MSRA: variants seen among roughly 807,000 people sequenced by gnomAD.
MSRA encodes methionine sulfoxide reductase A.
Under a neutral mutation model 31.3 loss-of-function variants are expected in MSRA, and 54 were observed. That is an observed-to-expected ratio of 1.73 (90% CI 1.39 to 2.17). The LOEUF (loss-of-function observed/expected upper bound fraction) is 2.17. Ranked by LOEUF, MSRA falls within the 30% of genes most tolerant of loss-of-function variation. The pLI is 0.00. For synonymous variants in MSRA, 169 were observed against 116.5 expected (o/e 1.45, Z -2.90); for missense variants, 507 against 300.9 (o/e 1.69, Z -5.07).
intron 4 of MSRA, among the ~76,000 whole-genome samples, chr8:10,312,451 C>T (rs28870492): frequency 0.14 from 20,571 of 152,160 alleles, 1,608 homozygotes; most frequent in African/African-American, 0.2. Flanking sequence ...TGAATAAAGA[C>T]ACCACTGGCT....
At chr8:10,104,298 A>G (rs574303173) in intron 1 of MSRA, among the ~76,000 whole-genome samples, 46 of 152,352 alleles carry the variant, frequency 3.0e-4, no homozygotes, top group Non-Finnish European at 5.9e-4. Flanking sequence ...TATCTGAGAC[A>G]GGTCTCAATC....
At chr8:10,064,231 A>G (rs1341618460) in intron 1 of MSRA, among the ~76,000 whole-genome samples, 2 of 152,144 alleles carry the variant, frequency 1.3e-5, no homozygotes, top group African/African-American at 4.8e-5. Context: ...GAGATACTCG[A>G]TGACTTTGAC....
At chr8:10,219,948 A>T (rs1042752812) in intron 2 of MSRA, among the ~76,000 whole-genome samples, 1 of 151,370 alleles carries the variant, frequency 6.6e-6, no homozygotes, top group Non-Finnish European at 1.5e-5. Context: ...TTTCAGGAAT[A>T]ACTGGAAATG....
intron 1 of MSRA, among the ~76,000 whole-genome samples, chr8:10,074,861 G>T (rs1419797322): frequency 2.0e-5 from 3 of 152,066 alleles, no homozygotes; most frequent in African/African-American, 7.2e-5. Flanking sequence ...GGTTCACCGT[G>T]TTGGCCAGGC....
intron 1 of MSRA, among the ~76,000 whole-genome samples, chr8:10,061,641 A>G (rs753973685): frequency 6.6e-6 from 1 of 152,034 alleles, no homozygotes; most frequent in Non-Finnish European, 1.5e-5. Context: ...TGTTTTATGA[A>G]CGTTGGGAAG....
rs562920038 is a variant in MSRA, at chr8:10,113,778, A to T, written c.142+59120A>T. On this transcript the variant is annotated intron_variant, in intron 1 of 5. Coordinates refer to ENST00000317173, the MANE Select transcript of MSRA (RefSeq NM_012331.5). Reference sequence around the variant, plus strand: ...AGGTATTTGCATTTTTTTTTTTTTTAAAAAAAAGATTATTAATTGTTTAGT... The same window carrying T: ...AGGTATTTGCATTTTTTTTTTTTTTTAAAAAAAGATTATTAATTGTTTAGT... Among the ~76,000 whole-genome samples the T allele has an allele frequency of 8.3e-3, 1,250 of 150,906 alleles. 12 individuals carry two copies. Among genetic ancestry groups the T allele is most frequent in the Non-Finnish European group, 0.01 (690 of 67,762 alleles).
At chr8:10,108,232 C>A (rs1364835201) in intron 1 of MSRA, among the ~76,000 whole-genome samples, 7 of 152,206 alleles carry the variant, frequency 4.6e-5, no homozygotes, top group African/African-American at 1.7e-4. Context: ...TCACATCAGG[C>A]CTTCCTGGAG....
At chr8:10,219,806 C>CAAAAAAAAAAAAAA (rs59393980) in intron 2 of MSRA, among the ~76,000 whole-genome samples, 4 of 57,122 alleles carry the variant, frequency 7.0e-5, no homozygotes, top group African/African-American at 2.7e-4. Flanking sequence ...ACTCTGTCTC[C>CAAAAAAAAAAAAAA]AAAAAAAAAA....
intron 1 of MSRA, among the ~76,000 whole-genome samples, chr8:10,115,371 A>G (rs1011978069): frequency 6.6e-6 from 1 of 152,254 alleles, no homozygotes; most frequent in Non-Finnish European, 1.5e-5. Flanking sequence ...TGATGCAGCC[A>G]CAGCCAGGAA....
At chr8:10,301,456 GTT>G in intron 3 of MSRA, 76 bp from the exon 4 acceptor site, 1 of 1,128,108 alleles carries the variant, frequency 8.9e-7, no homozygotes, top group Non-Finnish European at 1.3e-6. Flanking sequence ...TTTGTCTGTT[GTT>G]TTTTTTGTGA....
At chr8:10,307,317 C>G (rs915757769) in intron 4 of MSRA, among the ~76,000 whole-genome samples, 3 of 152,074 alleles carry the variant, frequency 2.0e-5, no homozygotes, top group Non-Finnish European at 4.4e-5. Context: ...CAGGTGCACG[C>G]CACCATGCCC....
intron 4 of MSRA, among the ~76,000 whole-genome samples, chr8:10,304,165 G>A (rs1801000691): frequency 6.6e-6 from 1 of 152,180 alleles, no homozygotes. Context: ...TTGAACTTAT[G>A]ACCTCAAGTG....
At chr8:10,123,454 C>G (rs955213925) in intron 1 of MSRA, among the ~76,000 whole-genome samples, 1 of 151,992 alleles carries the variant, frequency 6.6e-6, no homozygotes, top group African/African-American at 2.4e-5. Context: ...AAATTTTCTC[C>G]CATTCTGTAG....
At chr8:10,248,795 C>T (rs1797765425) in intron 3 of MSRA, among the ~76,000 whole-genome samples, 1 of 152,194 alleles carries the variant, frequency 6.6e-6, no homozygotes, top group Non-Finnish European at 1.5e-5. Flanking sequence ...GGGCAGTCTC[C>T]ATTGCTTGGT....
At chr8:10,390,972 C>G (rs1292697843) in intron 5 of MSRA, among the ~76,000 whole-genome samples, 1 of 94,528 alleles carries the variant, frequency 1.1e-5, no homozygotes, top group East Asian at 2.2e-4. Flanking sequence ...GAGACTCTGT[C>G]TCAAAAGAAA....
intron 1 of MSRA, among the ~76,000 whole-genome samples, chr8:10,153,730 G>C (rs11994148): frequency 1.3e-5 from 2 of 152,150 alleles, no homozygotes; most frequent in Non-Finnish European, 2.9e-5. Context: ...TCATAACAAA[G>C]TGTTCGCTAT....
intron 1 of MSRA, among the ~76,000 whole-genome samples, chr8:10,102,072 C>G (rs892191347): frequency 2.6e-5 from 4 of 152,076 alleles, no homozygotes; most frequent in Non-Finnish European, 5.9e-5. Context: ...CTTGCTGTGT[C>G]CTTAGTTTTC....
At chr8:10,129,630 T>A (rs1044487659) in intron 1 of MSRA, among the ~76,000 whole-genome samples, 1 of 152,114 alleles carries the variant, frequency 6.6e-6, no homozygotes, top group Non-Finnish European at 1.5e-5. Context: ...TGGGTTGGAC[T>A]GTGCAGATCA....
intron 1 of MSRA, among the ~76,000 whole-genome samples, chr8:10,114,966 G>C (rs1158557807): frequency 6.6e-6 from 1 of 152,022 alleles, no homozygotes; most frequent in African/African-American, 2.4e-5. Context: ...ACAATGATAG[G>C]GACTTATTTA....
Sources: allele counts gnomAD v4.1 joint callset (sites outside exome capture counted in the v4.1 genomes callset), GRCh38; gene constraint gnomAD v4.1.1; transcripts MANE v1.5; gene names NCBI Gene and HGNC (gene_info 2026-07-23, HGNC 2026-07-21).